Variants in LYST observed in about 807,000 individuals in gnomAD.
LYST encodes the protein lysosomal-trafficking regulator.
LYST carries 192 observed loss-of-function variants against 413.6 expected under a neutral mutation model. That is an observed-to-expected ratio of 0.46 (90% CI 0.41 to 0.52). The LOEUF (loss-of-function observed/expected upper bound fraction) is 0.52. LYST is among the 20% of genes least tolerant of loss of function. LYST has a pLI of 0.00. For missense variants in LYST, 3,815 were observed against 4,499.9 expected, an observed-to-expected ratio of 0.85 and a Z score of 4.35; for synonymous variants, 1,525 against 1,567.3, an observed-to-expected ratio of 0.97 and a Z score of 0.64.
At position 235,724,031 on chromosome 1, in the gene LYST, G is replaced by A. The variant is rs1004127588; in HGVS notation, c.9312C>T (p.Thr3104=). Residue 3104 remains threonine, a synonymous_variant, in exon 39 of 53, where the codon ACC becomes ACT. Transcript: ENST00000389793. ...CAATTAATAAGGGTGAATTTACCTTGGTGTTATCAAATGCCAACAGGAGTG... is the reference window on the plus strand; with the variant it reads ...CAATTAATAAGGGTGAATTTACCTTAGTGTTATCAAATGCCAACAGGAGTG... ...GRTLLLAFDN[T]KVRDDVYHNI... The A allele has an allele frequency of 6.2e-7, 1 of 1,612,622 alleles. No individual in the cohort carries two copies. Among genetic ancestry groups the A allele is most frequent in the African/African-American group, 1.3e-5 (1 of 74,860 alleles).
At chr1:235,803,451 T>G (rs1382394751) in intron 7 of LYST, among the ~76,000 whole-genome samples, 2 of 152,156 alleles carry the variant, frequency 1.3e-5, no homozygotes, top group Admixed American at 1.3e-4. Flanking sequence ...GATTTTTTCA[T>G]AAGGATTTTT....
At chr1:235,736,719 C>T (rs1664852495) in intron 31 of LYST, 2 of 152,046 alleles carry the variant, frequency 1.3e-5, no homozygotes, top group African/African-American at 4.8e-5. Flanking sequence ...CTAGGATATA[C>T]TAAGTGAAGA....
intron 45 of LYST, among the ~76,000 whole-genome samples, chr1:235,701,748 C>G (rs1661572947): frequency 6.6e-6 from 1 of 152,152 alleles, no homozygotes; most frequent in African/African-American, 2.4e-5. Flanking sequence ...ATATAGTTTT[C>G]TATTATGAAA....
At chr1:235,789,101 C>A (rs1439127088) in intron 12 of LYST, among the ~76,000 whole-genome samples, 1 of 152,070 alleles carries the variant, frequency 6.6e-6, no homozygotes, top group Non-Finnish European at 1.5e-5. Flanking sequence ...TAACTGAGGA[C>A]AATTGTGGGC....
intron 1 of LYST, among the ~76,000 whole-genome samples, chr1:235,845,832 C>T (rs1013713840): frequency 1.3e-5 from 2 of 152,094 alleles, no homozygotes; most frequent in East Asian, 1.9e-4. Flanking sequence ...AGCCCCAGCA[C>T]GACCCAACCA....
At chr1:235,746,225 G>T in intron 29 of LYST, 111 bp downstream of exon 29, 1 of 871,584 alleles carries the variant, frequency 1.1e-6, no homozygotes, top group Non-Finnish European at 1.9e-6. Flanking sequence ...TGGATGTTAA[G>T]AACTGAAAAA....
At chr1:235,761,673 T>A (rs1290661381) in intron 22 of LYST, among the ~76,000 whole-genome samples, 1 of 151,936 alleles carries the variant, frequency 6.6e-6, no homozygotes, top group African/African-American at 2.4e-5. Flanking sequence ...GAAACTGAGA[T>A]ACTTTCCAAC....
Position 235,751,251 on chromosome 1 carries a change from G to A in LYST, c.7739C>T (p.Ala2580Val), listed in dbSNP as rs781065710. The A allele has an allele frequency of 2.0e-5, 33 of 1,613,600 alleles. No individual in the cohort carries two copies. In the South Asian group the frequency reaches 2.7e-4, roughly 13 times the overall value. The change falls in exon 28 of 53, where the codon GCT becomes GTT. Residue 2580 changes from alanine to valine, a missense_variant. This residue lies in a region of LYST where 771 missense variants were observed against 837.1 expected (regional missense o/e 0.92). Coordinates refer to ENST00000389793, the MANE Select transcript of LYST (RefSeq NM_000081.4). ...CTTTTGAACTACTGCATGATGGGGA[G>A]CAGAAGGTGACTGGAGTGAATCTGT... ...NLTDSLQSPSAPHHAVVQKRK... is the reference protein window; with the variant it reads ...NLTDSLQSPSVPHHAVVQKRK...
At chr1:235,796,858 C>G (rs774037777) in intron 10 of LYST, among the ~76,000 whole-genome samples, 2 of 152,142 alleles carry the variant, frequency 1.3e-5, no homozygotes, top group Non-Finnish European at 2.9e-5. Flanking sequence ...ACAAATGGGA[C>G]TAAGGCACAC....
rs146335682 is a variant in LYST at position 235,806,411 on chromosome 1, C to T, written c.2725G>A (p.Val909Ile). 1.1e-4 allele frequency: 183 copies of T among 1,613,944 alleles called. No individual in the cohort carries two copies. Among genetic ancestry groups the T allele is most frequent in the African/African-American group, 7.9e-4 (59 of 74,988 alleles). The change falls in exon 6 of 53, where the codon GTA becomes ATA. Residue 909 changes from valine (V) to isoleucine (I), a missense_variant. Around this residue, in one of 4 missense-constraint regions of LYST, gnomAD observed 1,648 missense variants for 1,810.3 expected, o/e 0.91. Coordinates refer to ENST00000389793, the MANE Select transcript of LYST (RefSeq NM_000081.4). ...NLFLCVAFLC[V>I]SKEAESDRES... ...CTGTCAGACTCTGCTTCTTTACTTA[C>T]GCATAAAAAAGCCACACAGAGGAAT...
chr1:235,751,692 A>G (rs1666513827), intron 27 of LYST, among the ~76,000 whole-genome samples: 1 of 152,170 alleles, frequency 6.6e-6, no homozygotes, highest in Non-Finnish European at 1.5e-5. Flanking sequence ...ATTCACTTTA[A>G]TAATTACCAT....
chr1:235,663,189 G>C, intron 52 of LYST, 111 bp from the exon 53 acceptor site: 1 of 765,536 alleles, frequency 1.3e-6, no homozygotes, highest in South Asian at 1.4e-5. Context: ...GTGGCGCAGA[G>C]AGACATAAAC....
intron 25 of LYST, among the ~76,000 whole-genome samples, chr1:235,754,229 CTTTTTTTTT>C (rs71576486): frequency 2.7e-3 from 233 of 86,576 alleles, no homozygotes; most frequent in African/African-American, 7.8e-3. Context: ...CTTTTCTTTT[CTTTTTTTTT>C]TTTTTTTTTT....
At chr1:235,746,551 C>T in intron 28 of LYST, 24 bp from the exon 29 acceptor site, 1 of 1,548,858 alleles carries the variant, frequency 6.5e-7, no homozygotes, top group Non-Finnish European at 8.9e-7. Context: ...TAAATTAAAA[C>T]ATCAAATCCC....
chr1:235,694,323 T>C (rs2103078161), intron 46 of LYST, among the ~76,000 whole-genome samples: 1 of 152,136 alleles, frequency 6.6e-6, no homozygotes, highest in South Asian at 2.1e-4. Flanking sequence ...CCCTCTCTCT[T>C]TTTTACAACA....
chr1:235,728,248 C>T (rs1664068862), intron 37 of LYST, 117 bp from the exon 38 acceptor site: 1 of 743,720 alleles, frequency 1.3e-6, no homozygotes, highest in Non-Finnish European at 2.4e-6. Flanking sequence ...TACCTCGACA[C>T]AGTTCCTGGC....
intron 30 of LYST, among the ~76,000 whole-genome samples, chr1:235,743,381 A>C (rs1665606082): frequency 6.6e-6 from 1 of 152,188 alleles, no homozygotes; most frequent in African/African-American, 2.4e-5. Flanking sequence ...AAAACACCAA[A>C]ATCTAGTTTA....
At chr1:235,862,796 AAAAC>A (rs201111880) in intron 1 of LYST, among the ~76,000 whole-genome samples, 42 of 123,092 alleles carry the variant, frequency 3.4e-4, no homozygotes, top group Middle Eastern at 3.7e-3. Context: ...TCTCCATCTC[AAAAC>A]AAACAAACAC....
chr1:235,825,957 C>G (rs1675285335), intron 3 of LYST, among the ~76,000 whole-genome samples: 1 of 152,116 alleles, frequency 6.6e-6, no homozygotes, highest in Admixed American at 6.5e-5. Flanking sequence ...GTAATCTAGA[C>G]AGGGTACTGA....
Sources: allele counts gnomAD v4.1 joint callset (sites outside exome capture counted in the v4.1 genomes callset), GRCh38; gene constraint gnomAD v4.1.1; regional missense constraint gnomAD v4.1.1; transcripts MANE v1.5; gene names NCBI Gene and HGNC (gene_info 2026-07-23, HGNC 2026-07-21).